The following NID2 variants were observed in gnomAD, a reference collection of about 807,000 sequenced individuals.
NID2 encodes nidogen 2.
A neutral mutation model predicts 145.4 loss-of-function variants in NID2; 83 were observed. The observed-to-expected ratio is 0.57, with a 90% CI of 0.48 to 0.69. NID2 has a LOEUF of 0.69. Ranked by LOEUF, NID2 falls within the 30% of genes least tolerant of loss-of-function variation. NID2 has a pLI of 0.00. For missense variants in NID2, 1,807 were observed against 1,765.7 expected (o/e 1.02, Z -0.42); for synonymous variants, 739 against 701.3 (o/e 1.05, Z -0.85).
chr14:52,046,706 A>G (rs1892509554), intron 5 of NID2, among the ~76,000 whole-genome samples: 2 of 152,270 alleles, frequency 1.3e-5, no homozygotes. Flanking sequence ...GCAGGCTCCC[A>G]TGAAAGGCTA....
At chr14:52,010,686 A>G in intron 18 of NID2, 190 bp downstream of exon 18, 1 of 555,396 alleles carries the variant, frequency 1.8e-6, no homozygotes. Flanking sequence ...TATAAGTGCC[A>G]TGAAAGAACA....
intron 19 of NID2, chr14:52,007,535 A>G: frequency 2.5e-6 from 1 of 398,938 alleles, no homozygotes; most frequent in Non-Finnish European, 4.5e-6. Flanking sequence ...CAATTCAACA[A>G]TGGCTAATTC....
At chr14:52,030,636 G>C (rs925412763) in intron 9 of NID2, among the ~76,000 whole-genome samples, 1 of 128,610 alleles carries the variant, frequency 7.8e-6, no homozygotes, top group African/African-American at 2.8e-5. Context: ...GAGAAAGAAA[G>C]AGAAAGAAAA....
In NID2 at chr14:52,035,878, A is replaced by ACATATATATATATATATATTTATATT. The variant is rs1555364238; in HGVS notation, c.2257+2868_2257+2869insAATATAAATATATATATATATATATG. On this transcript the variant is annotated intron_variant, in intron 9 of 21. Coordinates refer to ENST00000216286, the MANE Select transcript of NID2 (RefSeq NM_007361.4). Reference sequence around the variant, plus strand: ...TGTGTATATATATATATATATATATATGTTTTATTTTGTAGAGACAGGGTT... The same window carrying ACATATATATATATATATATTTATATT: ...TGTGTATATATATATATATATATATACATATATATATATATATATTTATATTTGTTTTATTTTGTAGAGACAGGGTT... Among the ~76,000 whole-genome samples, 114 of 135,184 alleles carry ACATATATATATATATATATTTATATT rather than the reference A, an allele frequency of 8.4e-4. 1 individual carries two copies. Among genetic ancestry groups the ACATATATATATATATATATTTATATT allele is most frequent in the South Asian group, 1.8e-3 (8 of 4,358 alleles). 88.7% of individuals were successfully genotyped at this position (135,184 alleles called of 152,430 possible). A position where few individuals can be genotyped will look rare whatever the true frequency, so the allele number is the denominator to read the frequency against.
chr14:52,040,934 T>G, intron 7 of NID2, 83 bp from the exon 8 acceptor site: 1 of 1,187,124 alleles, frequency 8.4e-7, no homozygotes, highest in Admixed American at 1.7e-5. Context: ...GCTCCCAATT[T>G]CTACTGCTGT....
rs1402957785 is a variant in NID2, at chr14:52,068,894, T to C, written c.101A>G (p.Asp34Gly). The C allele has an allele frequency of 6.2e-7, 1 of 1,614,050 alleles. No homozygotes were observed. Among genetic ancestry groups the C allele is most frequent in the Non-Finnish European group, 8.5e-7 (1 of 1,180,018 alleles). The change falls in exon 1 of 22, where the codon GAC (aspartate) becomes GGC (glycine). Residue 34 changes from aspartate (D) to glycine (G), a missense_variant. By Grantham distance (94) the Asp-to-Gly change is moderately conservative (BLOSUM62 -1). Transcript: ENST00000216286. ...LMLRAAALHPDELFPHGESWG... is the reference protein window; with the variant it reads ...LMLRAAALHPGELFPHGESWG... ...CGACTCCCCGTGTGGGAAGAGCTCG[T>C]CTGGGTGCAGCGCCGCGGCCCGCAA...
At chr14:52,024,341 A>C (rs1042847550) in intron 12 of NID2, among the ~76,000 whole-genome samples, 5 of 152,208 alleles carry the variant, frequency 3.3e-5, no homozygotes, top group Non-Finnish European at 7.3e-5. Context: ...TCTGGCATTA[A>C]TAAAGTAAGC....
chr14:52,047,947 G>T (rs1486930978), intron 5 of NID2, among the ~76,000 whole-genome samples: 1 of 152,004 alleles, frequency 6.6e-6, no homozygotes, highest in Admixed American at 6.6e-5. Context: ...AATTCTGAGG[G>T]CCCACCTTAG....
intron 14 of NID2, among the ~76,000 whole-genome samples, chr14:52,016,809 G>A (rs1891228062): frequency 6.6e-6 from 1 of 152,198 alleles, no homozygotes; most frequent in Non-Finnish European, 1.5e-5. Flanking sequence ...AAAGAACAAA[G>A]CTGGGAGCAT....
At chr14:52,051,012 G>C (rs1892660889) in intron 5 of NID2, among the ~76,000 whole-genome samples, 1 of 152,174 alleles carries the variant, frequency 6.6e-6, no homozygotes, top group South Asian at 2.1e-4. Context: ...AACGACCAGA[G>C]CTCCCTGGAA....
At position 52,010,858 on chromosome 14, in the gene NID2, T is replaced by G. The variant is rs1368853456; in HGVS notation, c.3722+18A>C. On this transcript the variant is annotated intron_variant, in intron 18 of 21. Coordinates refer to ENST00000216286, the MANE Select transcript of NID2 (RefSeq NM_007361.4). ...CAGGATCTACAGGTAAGAGAAGAAT[T>G]AGGGAAGCCCAGCTGACCCTCGGAT... 3.7e-6 allele frequency: 6 copies of G among 1,608,618 alleles called. No homozygotes were observed. The highest frequency in any genetic ancestry group is 3.3e-5 in the Admixed American group (2 of 59,962).
chr14:52,005,902 AAGTC>A (rs3841693), intron 20 of NID2, 53 bp from the exon 21 acceptor site: 345,655 of 1,313,268 alleles, frequency 0.26, 53,235 homozygotes, highest in East Asian at 0.53. Context: ...CTAGATAAAG[AAGTC>A]AGTCAGCCAC....
chr14:52,068,550 G>A (rs1298285334), intron 1 of NID2, among the ~76,000 whole-genome samples: 4 of 152,218 alleles, frequency 2.6e-5, no homozygotes, highest in Non-Finnish European at 4.4e-5. Context: ...ACGCGTACGT[G>A]GCTGCGAACA....
At chr14:52,025,238 A>G (rs951278976) in intron 12 of NID2, among the ~76,000 whole-genome samples, 5 of 152,246 alleles carry the variant, frequency 3.3e-5, no homozygotes, top group Non-Finnish European at 7.3e-5. Flanking sequence ...TGTAGAGGGT[A>G]TCTGTAAAGA....
chr14:52,010,761 G>C, intron 18 of NID2, 115 bp downstream of exon 18: 4 of 989,386 alleles, frequency 4.0e-6, no homozygotes, highest in Non-Finnish European at 6.1e-6. Context: ...TTTGTTACAT[G>C]AATGCATTTG....
intron 17 of NID2, 128 bp downstream of exon 17, chr14:52,011,425 CA>C: frequency 8.8e-7 from 1 of 1,139,036 alleles, no homozygotes; most frequent in South Asian, 1.4e-5. Flanking sequence ...TTATACAGCT[CA>C]ATAAAATGAC....
In NID2 at chr14:52,040,607, G is replaced by A. The variant is rs762550660; in HGVS notation, c.2026+44C>T. The stretch of plus-strand genomic sequence containing the variant: ...AGCCTTGTATCTATCTTGTGAGATG[G>A]GCATAATCCCCATTTTACAGATGTG... On this transcript the variant is annotated intron_variant, in intron 8 of 21. Transcript: ENST00000216286. 5 of 1,526,652 alleles carry A rather than the reference G, an allele frequency of 3.3e-6. No homozygotes were observed. In the East Asian group the frequency reaches 1.1e-4, roughly 34 times the overall value. The allele number at this position is 1,526,652 out of a possible 1,614,324, so 94.6% of individuals were successfully genotyped here. A position where few individuals can be genotyped will look rare whatever the true frequency, so the allele number is the denominator to read the frequency against.
chr14:52,010,818 C>G, intron 18 of NID2, 58 bp downstream of exon 18: 1 of 1,552,848 alleles, frequency 6.4e-7, no homozygotes, highest in Non-Finnish European at 8.8e-7. Context: ...TATTTAAAAC[C>G]CAAGGGCTTC....
intron 14 of NID2, among the ~76,000 whole-genome samples, chr14:52,018,047 G>C (rs1340222718): frequency 2.0e-5 from 3 of 152,116 alleles, no homozygotes; most frequent in African/African-American, 7.2e-5. Context: ...TCAATCTCTT[G>C]ACCTCGTGAT....
Sources: gnomAD v4.1 joint callset for allele counts (sites outside exome capture counted in the v4.1 genomes callset) on GRCh38, gnomAD v4.1.1 for gene constraint, MANE v1.5 for transcripts, NCBI Gene and HGNC (gene_info 2026-07-23, HGNC 2026-07-21) for gene names.